The following PRSS55 variants were observed in gnomAD, a reference collection of about 807,000 sequenced individuals.
The protein encoded by PRSS55 is serine protease 55.
PRSS55 carries 41 observed loss-of-function variants against 23.6 expected under a neutral mutation model. The ratio of observed to expected loss-of-function variants is 1.74; its 90% CI spans 1.35 to 2.26. PRSS55 has a LOEUF of 2.26. PRSS55 is among the 30% of genes most tolerant of loss of function. The pLI, the probability that PRSS55 is intolerant of heterozygous loss-of-function variation, is 0.00. For missense variants in PRSS55, 669 were observed against 439.1 expected, an observed-to-expected ratio of 1.52 and a Z score of -4.68; for synonymous variants, 262 against 175.5, an observed-to-expected ratio of 1.49 and a Z score of -3.90.
intron 4 of PRSS55, among the ~76,000 whole-genome samples, chr8:10,533,605 T>C (rs1194138834): frequency 2.3e-4 from 35 of 152,264 alleles, no homozygotes; most frequent in Non-Finnish European, 2.9e-5. Context: ...AAATTATTGA[T>C]AGCCAGAAAA....
chr8:10,528,392 G>T (rs1012250503), intron 1 of PRSS55, among the ~76,000 whole-genome samples: 2 of 152,170 alleles, frequency 1.3e-5, no homozygotes, highest in African/African-American at 4.8e-5. Context: ...CAGCAAGAAA[G>T]AGACAAGATT....
In PRSS55 at chr8:10,532,914, A is replaced by T; in HGVS notation, c.607A>T (p.Asn203Tyr). ...CTTTCTCTCTGGGCCAGCTGACAAA[A>T]ACTCTGTGAAAACGGATCTGATGAA... ...GWGQTNAADK[N>Y]SVKTDLMKAP... Residue 203 changes from asparagine to tyrosine, a missense_variant, in exon 4 of 5, where the codon AAC becomes TAC. Asn to Tyr is a moderately radical substitution (Grantham distance 143). Coordinates refer to ENST00000328655, the MANE Select transcript of PRSS55 (RefSeq NM_198464.4). 6.2e-7 allele frequency: 1 copy of T among 1,614,154 alleles called. No homozygotes were observed.
At chr8:10,536,842 C>T (rs995272245) in intron 4 of PRSS55, among the ~76,000 whole-genome samples, 6 of 152,002 alleles carry the variant, frequency 3.9e-5, no homozygotes, top group African/African-American at 1.5e-4. Context: ...AAGAGGGGAA[C>T]AATAGACACC....
At chr8:10,526,665 G>T (rs1033916925) in intron 1 of PRSS55, among the ~76,000 whole-genome samples, 8 of 152,192 alleles carry the variant, frequency 5.3e-5, no homozygotes, top group African/African-American at 1.9e-4. Context: ...GTTGTGGGTT[G>T]ATCTCAGGAC....
chr8:10,526,556 C>A (rs1033864659), intron 1 of PRSS55, among the ~76,000 whole-genome samples: 29 of 152,222 alleles, frequency 1.9e-4, no homozygotes, highest in African/African-American at 7.0e-4. Flanking sequence ...AATGCGTGAT[C>A]GCTCAGATCA....
At chr8:10,550,103 G>A (rs1229300305) in intron 4 of PRSS55, among the ~76,000 whole-genome samples, 5 of 152,108 alleles carry the variant, frequency 3.3e-5, no homozygotes, top group Non-Finnish European at 5.9e-5. Flanking sequence ...ATTTTTAGTG[G>A]AGACGGGGTT....
chr8:10,529,763 TCACCCA>T, intron 2 of PRSS55, 64 bp downstream of exon 2: 1 of 1,505,424 alleles, frequency 6.6e-7, no homozygotes, highest in South Asian at 1.2e-5. Context: ...ACCCTCCCCC[TCACCCA>T]CACCTGGTGG....
chr8:10,537,642 T>C (rs1282761973), intron 4 of PRSS55, among the ~76,000 whole-genome samples: 1 of 152,228 alleles, frequency 6.6e-6, no homozygotes, highest in Non-Finnish European at 1.5e-5. Context: ...CTTGAGGGGA[T>C]GGATACCCCA....
intron 4 of PRSS55, 70 bp from the exon 5 acceptor site, chr8:10,538,406 G>T: frequency 2.5e-6 from 3 of 1,212,428 alleles, no homozygotes; most frequent in South Asian, 2.9e-5. Flanking sequence ...TTCCATGAAT[G>T]AGCTGTGCCC....
intron 4 of PRSS55, among the ~76,000 whole-genome samples, chr8:10,549,609 G>A (rs1056713617): frequency 7.9e-5 from 12 of 152,128 alleles, no homozygotes; most frequent in African/African-American, 1.7e-4. Context: ...GCGAAACAAG[G>A]CCCCAGGAGC....
downstream of PRSS55, chr8:10,541,449 G>A (rs1812653967): frequency 6.6e-6 from 1 of 152,092 alleles, no homozygotes; most frequent in East Asian, 1.9e-4. Flanking sequence ...AGCTCTTCTG[G>A]GGCTCTGCCT....
chr8:10,543,900 T>G (rs1812742117), intron 4 of PRSS55, among the ~76,000 whole-genome samples: 1 of 152,228 alleles, frequency 6.6e-6, no homozygotes, highest in African/African-American at 2.4e-5. Context: ...TTTGTATTAT[T>G]TCAATCCTTT....
intron 4 of PRSS55, chr8:10,545,031 C>T (rs1490547493): frequency 3.0e-6 from 3 of 984,914 alleles, no homozygotes; most frequent in Non-Finnish European, 3.6e-6. Flanking sequence ...ACATGGTGGC[C>T]TGCACCTGTG....
chr8:10,529,750 G>T, intron 2 of PRSS55, 51 bp downstream of exon 2: 2 of 1,563,492 alleles, frequency 1.3e-6, no homozygotes, highest in Non-Finnish European at 1.7e-6. Flanking sequence ...CCACCCCTGG[G>T]GCACCCTCCC....
intron 4 of PRSS55, among the ~76,000 whole-genome samples, chr8:10,533,278 C>T (rs1195167686): frequency 6.6e-6 from 1 of 152,176 alleles, no homozygotes; most frequent in Non-Finnish European, 1.5e-5. Context: ...TTCTGATCTT[C>T]TTCAGGTACA....
chr8:10,536,508 A>G (rs1449327853), intron 4 of PRSS55, among the ~76,000 whole-genome samples: 2 of 152,192 alleles, frequency 1.3e-5, no homozygotes, highest in African/African-American at 4.8e-5. Flanking sequence ...AGCAATCTCA[A>G]TACTGGTACA....
intron 4 of PRSS55, among the ~76,000 whole-genome samples, chr8:10,548,659 C>T (rs779658862): frequency 2.0e-5 from 3 of 152,156 alleles, no homozygotes; most frequent in South Asian, 2.1e-4. Context: ...CGGAAGCAGA[C>T]GAGGAGCTGT....
intron 2 of PRSS55, among the ~76,000 whole-genome samples, chr8:10,530,593 G>A (rs1328519219): frequency 6.6e-6 from 1 of 152,062 alleles, no homozygotes; most frequent in Non-Finnish European, 1.5e-5. Flanking sequence ...AATACACTGA[G>A]GCTGCTCACC....
chr8:10,536,918 T>C (rs533059004), intron 4 of PRSS55, among the ~76,000 whole-genome samples: 2 of 152,332 alleles, frequency 1.3e-5, no homozygotes, highest in South Asian at 4.1e-4. Context: ...ACCCATCAGA[T>C]ACTCTGCTTA....
Sources: allele counts gnomAD v4.1 joint callset (sites outside exome capture counted in the v4.1 genomes callset), GRCh38; gene constraint gnomAD v4.1.1; transcripts MANE v1.5; gene names NCBI Gene and HGNC (gene_info 2026-07-23, HGNC 2026-07-21).